MAN1A2: variants seen among roughly 807,000 people sequenced by gnomAD.
MAN1A2 encodes mannosidase alpha class 1A member 2.
A neutral mutation model predicts 75.7 loss-of-function variants in MAN1A2; 26 were observed. That is an observed-to-expected ratio of 0.34 (90% CI 0.25 to 0.48). MAN1A2 has a LOEUF of 0.48. MAN1A2 is among the 20% of genes least tolerant of loss of function. The pLI is 0.99. For synonymous variants in MAN1A2, 247 were observed against 264.6 expected, an observed-to-expected ratio of 0.93 and a Z score of 0.65; for missense variants, 562 against 775.5, an observed-to-expected ratio of 0.72 and a Z score of 3.27.
At chr1:117,519,246 T>C (rs1229081263) in intron 12 of MAN1A2, among the ~76,000 whole-genome samples, 1 of 151,978 alleles carries the variant, frequency 6.6e-6, no homozygotes, top group East Asian at 1.9e-4. Flanking sequence ...GAAAGAGCAC[T>C]AACTGACATT....
At chr1:117,502,060 A>G (rs1473785670) in intron 11 of MAN1A2, among the ~76,000 whole-genome samples, 1 of 151,756 alleles carries the variant, frequency 6.6e-6, no homozygotes, top group Non-Finnish European at 1.5e-5. Context: ...AGGCATGCCC[A>G]AAGATGCAAA....
At position 117,414,855 on chromosome 1, in the gene MAN1A2, T is replaced by C. The variant is rs1038927497; in HGVS notation, c.774+24T>C. ...TGGTGAGTGTATGATTGATAACTAATCTCTTAGATTAACCATGAAAAGACA... is the reference window on the plus strand; with the variant it reads ...TGGTGAGTGTATGATTGATAACTAACCTCTTAGATTAACCATGAAAAGACA... On this transcript the variant is annotated intron_variant, in intron 4 of 12. Coordinates refer to ENST00000356554, the MANE Select transcript of MAN1A2 (RefSeq NM_006699.5). 3.0e-6 allele frequency: 4 copies of C among 1,326,158 alleles called. No homozygotes were observed. The African/African-American group carries it at 5.8e-5, about 19-fold the overall frequency. 82.1% of individuals were successfully genotyped at this position (1,326,158 alleles called of 1,614,324 possible).
At chr1:117,497,119 A>G in intron 10 of MAN1A2, 137 bp downstream of exon 10, 1 of 586,856 alleles carries the variant, frequency 1.7e-6, no homozygotes, top group Non-Finnish European at 2.8e-6. Context: ...TCATTTTCTT[A>G]AGAACTTGAA....
At chr1:117,517,657 C>T (rs1401767570) in intron 12 of MAN1A2, among the ~76,000 whole-genome samples, 1 of 151,968 alleles carries the variant, frequency 6.6e-6, no homozygotes, top group Non-Finnish European at 1.5e-5. Context: ...AGACAACTTA[C>T]AGTGGCTTAA....
chr1:117,504,319 T>G (rs1448062966), intron 12 of MAN1A2, among the ~76,000 whole-genome samples: 2 of 151,236 alleles, frequency 1.3e-5, no homozygotes, highest in African/African-American at 2.4e-5. Flanking sequence ...CTCCTGTTTT[T>G]TTTTTTTTTT....
At chr1:117,499,829 G>A (rs996174985) in intron 11 of MAN1A2, among the ~76,000 whole-genome samples, 10 of 150,532 alleles carry the variant, frequency 6.6e-5, no homozygotes, top group Non-Finnish European at 1.5e-4. Context: ...GGAAGCAAGT[G>A]GTTTACTCTT....
chr1:117,449,967 A>G (rs1037867520), intron 6 of MAN1A2, among the ~76,000 whole-genome samples: 1 of 152,194 alleles, frequency 6.6e-6, no homozygotes, highest in Admixed American at 6.5e-5. Flanking sequence ...CTTAAAGGTG[A>G]TGGGTGAAGC....
intron 6 of MAN1A2, among the ~76,000 whole-genome samples, chr1:117,448,463 C>G (rs929059423): frequency 1.8e-4 from 28 of 151,910 alleles, no homozygotes; most frequent in Admixed American, 1.6e-3. Flanking sequence ...CTTTACATAG[C>G]TATTGTAAGT....
At chr1:117,449,599 G>A (rs1183595362) in intron 6 of MAN1A2, among the ~76,000 whole-genome samples, 3 of 151,548 alleles carry the variant, frequency 2.0e-5, no homozygotes, top group Admixed American at 2.0e-4. Flanking sequence ...AGCTTAGTGA[G>A]AAAGTCATGT....
At chr1:117,475,014 CA>C (rs1290120988) in intron 8 of MAN1A2, among the ~76,000 whole-genome samples, 1 of 151,914 alleles carries the variant, frequency 6.6e-6, no homozygotes, top group Non-Finnish European at 1.5e-5. Context: ...TTGTGTATAT[CA>C]GTAGTTCTGA....
chr1:117,516,216 A>C (rs538545702), intron 12 of MAN1A2, among the ~76,000 whole-genome samples: 16 of 152,290 alleles, frequency 1.1e-4, no homozygotes, highest in African/African-American at 3.8e-4. Context: ...CAGGTAAACA[A>C]ATATGGCTAA....
intron 8 of MAN1A2, among the ~76,000 whole-genome samples, chr1:117,477,140 A>G (rs1221299493): frequency 6.6e-6 from 1 of 151,968 alleles, no homozygotes; most frequent in African/African-American, 2.4e-5. Context: ...TGAGGCAGTA[A>G]TAGTCTATGA....
In MAN1A2 at chr1:117,442,677, C is replaced by T. The variant is rs150634621; in HGVS notation, c.950+352C>T. ...CTAGAATAGAGTCAAAGTACATCCTCCCTCTTTTTCTTTTTATATACCACC... is the reference window on the plus strand; with the variant it reads ...CTAGAATAGAGTCAAAGTACATCCTTCCTCTTTTTCTTTTTATATACCACC... On this transcript the variant is annotated intron_variant, in intron 6 of 12. Coordinates refer to ENST00000356554, the MANE Select transcript of MAN1A2 (RefSeq NM_006699.5). Among the ~76,000 whole-genome samples, 168 of 152,224 alleles carry T rather than the reference C, an allele frequency of 1.1e-3. 2 individuals are homozygous for T. Among genetic ancestry groups the T allele is most frequent in the Non-Finnish European group, 1.9e-3 (127 of 67,996 alleles).
At chr1:117,470,253 C>G (rs1650106542) in intron 8 of MAN1A2, among the ~76,000 whole-genome samples, 1 of 152,024 alleles carries the variant, frequency 6.6e-6, no homozygotes, top group African/African-American at 2.4e-5. Context: ...TATCAAATAT[C>G]TAGAGTTGTC....
chr1:117,502,830 T>A (rs771994724), intron 11 of MAN1A2, 25 bp from the exon 12 acceptor site: 9 of 1,226,808 alleles, frequency 7.3e-6, no homozygotes, highest in Non-Finnish European at 1.1e-5. Context: ...ACGGAATTGC[T>A]TATTTTGTCT....
chr1:117,494,830 C>G (rs1243579130), intron 9 of MAN1A2: 1 of 151,930 alleles, frequency 6.6e-6, no homozygotes, highest in Non-Finnish European at 1.5e-5. Context: ...TCCCACTAGA[C>G]TGTGGCCTCC....
chr1:117,474,807 T>TA (rs1650266647), intron 8 of MAN1A2, among the ~76,000 whole-genome samples: 2 of 148,516 alleles, frequency 1.3e-5, no homozygotes, highest in South Asian at 4.2e-4. Context: ...TGAACATATC[T>TA]ATCACCCCTT....
intron 12 of MAN1A2, among the ~76,000 whole-genome samples, chr1:117,520,662 A>G (rs1651843673): frequency 6.6e-6 from 1 of 152,110 alleles, no homozygotes; most frequent in African/African-American, 2.4e-5. Context: ...ATGCTGAGAG[A>G]AGTCATAGAT....
At chr1:117,479,698 A>G (rs770411677) in intron 8 of MAN1A2, among the ~76,000 whole-genome samples, 2 of 151,806 alleles carry the variant, frequency 1.3e-5, no homozygotes, top group Non-Finnish European at 2.9e-5. Flanking sequence ...ATGATCAGTG[A>G]TGTTGAGCTT....
Sources: gnomAD v4.1 joint callset for allele counts (sites outside exome capture counted in the v4.1 genomes callset) on GRCh38, gnomAD v4.1.1 for gene constraint, MANE v1.5 for transcripts, NCBI Gene and HGNC (gene_info 2026-07-23, HGNC 2026-07-21) for gene names.